RBFOX1: variants seen among roughly 807,000 people sequenced by gnomAD.
RBFOX1 encodes RNA binding protein fox-1 homolog 1.
In RBFOX1, 8 loss-of-function variants were observed where a neutral mutation model predicts 57.7. The observed-to-expected ratio is 0.14, with a 90% CI of 0.08 to 0.25. The LOEUF is 0.25. RBFOX1 is among the 10% of genes least tolerant of loss of function. The pLI is 1.00. For synonymous variants in RBFOX1, 326 were observed against 222.4 expected (o/e 1.47, Z -4.15); for missense variants, 611 against 548.5 (o/e 1.11, Z -1.14).
intron 3 of RBFOX1, among the ~76,000 whole-genome samples, chr16:5,859,756 G>T (rs1265105302): frequency 6.6e-6 from 1 of 152,172 alleles, no homozygotes; most frequent in East Asian, 1.9e-4. Flanking sequence ...TAAAATTATG[G>T]AATCAGAGAG....
intron 3 of RBFOX1, among the ~76,000 whole-genome samples, chr16:6,859,119 A>ATATACGTATATATATGTATATATATATG (rs1555536658): frequency 2.4e-5 from 2 of 82,212 alleles, no homozygotes; most frequent in African/African-American, 1.7e-4. Flanking sequence ...GTGTATATAT[A>ATATACGTATATATATGTATATATATATG]TATATATATA....
chr16:7,142,726 C>G lies in RBFOX1; in HGVS notation c.27+90628C>G, dbSNP rs552152714. 1.7e-3 allele frequency among the ~76,000 whole-genome samples: 255 copies of G among 152,270 alleles called. 11 individuals carry two copies. The South Asian group carries it at 0.051, about 31-fold the overall frequency. ...TCTCCCTCTCTAAGGTCACTGCATTCCAGTGAGAACCACCTCTACTGTTTT... is the reference window on the plus strand; with the variant it reads ...TCTCCCTCTCTAAGGTCACTGCATTGCAGTGAGAACCACCTCTACTGTTTT... On this transcript the variant is annotated intron_variant, in intron 4 of 15. Coordinates refer to ENST00000550418, the MANE Select transcript of RBFOX1 (RefSeq NM_018723.4).
At chr16:6,355,608 C>T (rs1600026751) in intron 2 of RBFOX1, among the ~76,000 whole-genome samples, 1 of 152,062 alleles carries the variant, frequency 6.6e-6, no homozygotes, top group Non-Finnish European at 1.5e-5. Flanking sequence ...TGTGCATATG[C>T]CTTTATAGTA....
chr16:6,872,345 TTCTC>T (rs1428843407), intron 3 of RBFOX1, among the ~76,000 whole-genome samples: 1 of 152,170 alleles, frequency 6.6e-6, no homozygotes, highest in African/African-American at 2.4e-5. Flanking sequence ...TTCTCTCTGT[TTCTC>T]TCTTTTTCTC....
intron 2 of RBFOX1, among the ~76,000 whole-genome samples, chr16:6,353,388 C>T (rs566217597): frequency 6.6e-6 from 1 of 151,508 alleles, no homozygotes; most frequent in East Asian, 1.9e-4. Flanking sequence ...ATTTGCCATC[C>T]TAGATACCTA....
intron 2 of RBFOX1, among the ~76,000 whole-genome samples, chr16:5,542,133 C>A (rs1440125489): frequency 3.3e-5 from 5 of 152,072 alleles, no homozygotes. Context: ...AGGTCCAGAG[C>A]ATGGGATGTC....
chr16:6,714,685 A>G (rs1278310389), intron 3 of RBFOX1, among the ~76,000 whole-genome samples: 5 of 152,008 alleles, frequency 3.3e-5, no homozygotes, highest in African/African-American at 1.2e-4. Context: ...AGGTGTAGGT[A>G]AATTGGTGGG....
intron 4 of RBFOX1, among the ~76,000 whole-genome samples, chr16:7,221,573 G>T (rs769253532): frequency 2.0e-5 from 3 of 152,036 alleles, no homozygotes; most frequent in Non-Finnish European, 4.4e-5. Flanking sequence ...CACCATGTTG[G>T]CCAGGGTAGT....
At chr16:6,881,711 C>G (rs10083741) in intron 3 of RBFOX1, among the ~76,000 whole-genome samples, 38,493 of 152,030 alleles carry the variant, frequency 0.25, 5,116 homozygotes, top group African/African-American at 0.32. Context: ...GTTGAATTTG[C>G]GGGGACAATT....
intron 3 of RBFOX1, among the ~76,000 whole-genome samples, chr16:6,741,237 G>C (rs143270570): frequency 1.3e-5 from 2 of 152,086 alleles, no homozygotes; most frequent in Non-Finnish European, 2.9e-5. Flanking sequence ...GCTCAAAATG[G>C]ATCGTAGGTT....
chr16:7,698,546 G>C (rs887727558), intron 14 of RBFOX1, among the ~76,000 whole-genome samples: 13 of 152,082 alleles, frequency 8.5e-5, no homozygotes, highest in African/African-American at 2.9e-4. Flanking sequence ...CATGCTGCCA[G>C]CTACATTAAA....
chr16:6,255,066 A>G (rs910587461), intron 1 of RBFOX1, among the ~76,000 whole-genome samples: 2 of 152,064 alleles, frequency 1.3e-5, no homozygotes, highest in Non-Finnish European at 2.9e-5. Flanking sequence ...AAAGTTCAGC[A>G]TCACATATGT....
At chr16:6,910,601 C>G (rs549740338) in intron 3 of RBFOX1, among the ~76,000 whole-genome samples, 14 of 152,216 alleles carry the variant, frequency 9.2e-5, no homozygotes, top group South Asian at 8.3e-4. Flanking sequence ...GCATTTCTTC[C>G]GGAGGTTTTA....
At chr16:5,664,829 A>G (rs905676474) in intron 3 of RBFOX1, among the ~76,000 whole-genome samples, 1 of 152,086 alleles carries the variant, frequency 6.6e-6, no homozygotes, top group African/African-American at 2.4e-5. Flanking sequence ...CTGGCTTCTC[A>G]TTGTTCTCAG....
intron 4 of RBFOX1, among the ~76,000 whole-genome samples, chr16:7,067,499 T>C (rs2056354943): frequency 6.6e-6 from 1 of 151,912 alleles, no homozygotes; most frequent in South Asian, 2.1e-4. Flanking sequence ...TCCCTGTAGT[T>C]GTAGAACTGA....
chr16:5,500,642 A>G (rs2043161645), intron 2 of RBFOX1, among the ~76,000 whole-genome samples: 1 of 152,180 alleles, frequency 6.6e-6, no homozygotes, highest in Non-Finnish European at 1.5e-5. Context: ...CTCTATCCAG[A>G]CACACCATCC....
At chr16:5,476,446 T>C (rs2069326971) in intron 2 of RBFOX1, among the ~76,000 whole-genome samples, 1 of 152,198 alleles carries the variant, frequency 6.6e-6, no homozygotes, top group Admixed American at 6.5e-5. Flanking sequence ...TTCTCCCTAC[T>C]TAATTGACAT....
intron 4 of RBFOX1, among the ~76,000 whole-genome samples, chr16:7,180,973 G>T (rs1031720650): frequency 2.0e-5 from 3 of 152,226 alleles, no homozygotes; most frequent in Non-Finnish European, 2.9e-5. Context: ...TGCAGTTGTA[G>T]AGAAAAAGCA....
intron 3 of RBFOX1, among the ~76,000 whole-genome samples, chr16:5,690,881 C>A (rs561121454): frequency 9.4e-4 from 143 of 152,196 alleles, no homozygotes; most frequent in African/African-American, 3.3e-3. Context: ...CTTATGCCAA[C>A]AAAACCCTGA....
Sources: allele counts gnomAD v4.1 joint callset (sites outside exome capture counted in the v4.1 genomes callset), GRCh38; gene constraint gnomAD v4.1.1; transcripts MANE v1.5; gene names NCBI Gene and HGNC (gene_info 2026-07-23, HGNC 2026-07-21).